NCKAP5: variants seen among roughly 807,000 people sequenced by gnomAD.
NCKAP5 encodes the protein NCK associated protein 5.
Under a neutral mutation model 167.0 loss-of-function variants are expected in NCKAP5, and 92 were observed. The observed-to-expected ratio is 0.55, with a 90% CI of 0.47 to 0.66. The LOEUF (loss-of-function observed/expected upper bound fraction) is 0.66, where lower values mean the gene tolerates loss of function less well. Among genes scored for constraint, NCKAP5 ranks in the 30% least tolerant of loss-of-function variants. The pLI is 0.00. For missense variants in NCKAP5, 2,378 were observed against 2,315.0 expected, an observed-to-expected ratio of 1.03 and a Z score of -0.56; for synonymous variants, 891 against 877.4, an observed-to-expected ratio of 1.02 and a Z score of -0.27.
At chr2:133,116,513 A>AAAAG (rs2082090672) in intron 6 of NCKAP5, among the ~76,000 whole-genome samples, 3 of 150,660 alleles carry the variant, frequency 2.0e-5, no homozygotes, top group Non-Finnish European at 4.4e-5. Flanking sequence ...AAAAAAAAAA[A>AAAAG]AAAGAAAAAT....
At chr2:133,465,248 A>C (rs1692487189) in intron 3 of NCKAP5, among the ~76,000 whole-genome samples, 1 of 147,260 alleles carries the variant, frequency 6.8e-6, no homozygotes, top group South Asian at 2.1e-4. Context: ...TATGAGTGAG[A>C]ATATGCGGTG....
At chr2:133,518,290 A>G (rs952410197) in intron 2 of NCKAP5, among the ~76,000 whole-genome samples, 1 of 149,164 alleles carries the variant, frequency 6.7e-6, no homozygotes, top group African/African-American at 2.5e-5. Context: ...CCAGCTTCCA[A>G]TTTTCACAAA....
chr2:133,607,900 A>G, the NCKAP5 span, among the ~76,000 whole-genome samples: 2 of 152,202 alleles, frequency 1.3e-5, no homozygotes, highest in African/African-American at 4.8e-5. Flanking sequence ...TGACTGCATC[A>G]TAGTCATGAG....
At chr2:133,238,505 AAAG>A (rs1440520308) in intron 4 of NCKAP5, among the ~76,000 whole-genome samples, 1 of 152,174 alleles carries the variant, frequency 6.6e-6, no homozygotes, top group African/African-American at 2.4e-5. Flanking sequence ...TCCCTGTTAA[AAAG>A]AAGACACAGG....
chr2:133,572,946 A>G (rs1463540165), upstream of NCKAP5, among the ~76,000 whole-genome samples: 1 of 152,202 alleles, frequency 6.6e-6, no homozygotes. Context: ...CTACAATCAG[A>G]CATTGATAAA....
chr2:133,147,271 G>T (rs953161108), intron 5 of NCKAP5, among the ~76,000 whole-genome samples: 1 of 152,128 alleles, frequency 6.6e-6, no homozygotes, highest in Non-Finnish European at 1.5e-5. Flanking sequence ...CAGATGAAAG[G>T]CATTCTGATC....
intron 5 of NCKAP5, among the ~76,000 whole-genome samples, chr2:133,175,796 T>A (rs186497502): frequency 1.3e-3 from 193 of 152,336 alleles, no homozygotes; most frequent in African/African-American, 4.5e-3. Context: ...GGAGCCACCA[T>A]GGAATAATTC....
At position 132,869,065 on chromosome 2, in the gene NCKAP5, T is replaced by C. The variant is rs954811158; in HGVS notation, c.649-91A>G. The stretch of plus-strand genomic sequence containing the variant: ...TACCAATAAGTTTCTCGCAGCTTAT[T>C]GTAGCTAATTAGCTCCTCATTTGCC... On this transcript the variant is annotated intron_variant, in intron 9 of 19. Coordinates refer to ENST00000409261, the MANE Select transcript of NCKAP5 (RefSeq NM_207363.3). The C allele has an allele frequency of 5.1e-5, 44 of 866,524 alleles. No individual in the cohort carries two copies. In the African/African-American group the frequency reaches 7.3e-4, roughly 14 times the overall value. The allele number at this position is 866,524 out of a possible 1,614,324, so 53.7% of individuals were successfully genotyped here.
chr2:133,042,242 T>C lies in NCKAP5; in HGVS notation c.342-48003A>G, dbSNP rs75737590. Among the ~76,000 whole-genome samples the C allele has an allele frequency of 8.7e-3, 1,321 of 152,236 alleles. 14 individuals are homozygous for C. The highest frequency in any genetic ancestry group is 0.029 in the African/African-American group (1,215 of 41,546). ...ATTCAACAGCTTAAACACAGTGAAA[T>C]GGCAAGGTATAGAAAGCACCCAGTC... On this transcript the variant is annotated intron_variant, in intron 6 of 19. Coordinates refer to ENST00000409261, the MANE Select transcript of NCKAP5 (RefSeq NM_207363.3).
intron 4 of NCKAP5, among the ~76,000 whole-genome samples, chr2:133,228,947 A>G (rs937750226): frequency 6.6e-5 from 10 of 152,216 alleles, no homozygotes; most frequent in Admixed American, 2.6e-4. Context: ...AACAATGAGA[A>G]TCTTCAGAGG....
At chr2:132,712,509 G>A (rs896233862) in intron 19 of NCKAP5, among the ~76,000 whole-genome samples, 2 of 152,088 alleles carry the variant, frequency 1.3e-5, no homozygotes, top group Non-Finnish European at 2.9e-5. Context: ...AAAATTAGCC[G>A]GGTGTAGAGG....
chr2:132,907,851 G>T (rs1029798902), intron 8 of NCKAP5, among the ~76,000 whole-genome samples: 2 of 151,836 alleles, frequency 1.3e-5, no homozygotes, highest in African/African-American at 4.8e-5. Flanking sequence ...TAGAGAGGGG[G>T]TTTCACCATG....
intron 16 of NCKAP5, among the ~76,000 whole-genome samples, chr2:132,770,641 T>C (rs566131615): frequency 2.0e-5 from 3 of 152,088 alleles, no homozygotes; most frequent in African/African-American, 4.8e-5. Context: ...TGTACTTCCA[T>C]TGGAGTAATC....
rs182064349 is a variant in NCKAP5 at position 133,031,495 on chromosome 2, G to A, written c.342-37256C>T. Reference sequence around the variant, plus strand: ...GCCACTGAGGGCCACATTGCTCCATGTCTCCGAGTAAACTTGAAAGGCAGT... The same window carrying A: ...GCCACTGAGGGCCACATTGCTCCATATCTCCGAGTAAACTTGAAAGGCAGT... On this transcript the variant is annotated intron_variant, in intron 6 of 19. Coordinates refer to ENST00000409261, the MANE Select transcript of NCKAP5 (RefSeq NM_207363.3). Among the ~76,000 whole-genome samples the A allele has an allele frequency of 9.3e-4, 141 of 152,302 alleles. 1 individual carries two copies. Among genetic ancestry groups the A allele is most frequent in the African/African-American group, 3.3e-3 (138 of 41,564 alleles).
intron 3 of NCKAP5, among the ~76,000 whole-genome samples, chr2:133,358,597 G>T: frequency 6.6e-6 from 1 of 152,252 alleles, no homozygotes; most frequent in Middle Eastern, 3.4e-3. Context: ...GTGTTGAACC[G>T]CACTGAGTAT....
the NCKAP5 span, among the ~76,000 whole-genome samples, chr2:133,620,966 G>T: frequency 6.6e-6 from 1 of 151,986 alleles, no homozygotes; most frequent in Non-Finnish European, 1.5e-5. Context: ...ACTCCAAAAG[G>T]AACCCTCAAA....
At chr2:132,866,677 A>G (rs1309100994) in intron 10 of NCKAP5, among the ~76,000 whole-genome samples, 1 of 152,200 alleles carries the variant, frequency 6.6e-6, no homozygotes, top group Non-Finnish European at 1.5e-5. Context: ...CTGAAGCCAC[A>G]GCAGATTTGC....
intron 8 of NCKAP5, among the ~76,000 whole-genome samples, chr2:132,944,806 G>A (rs1386071009): frequency 6.6e-6 from 1 of 152,212 alleles, no homozygotes; most frequent in East Asian, 1.9e-4. Flanking sequence ...TAAGGACATT[G>A]TGAACATGTC....
chr2:132,692,938 T>G (rs981873486), intron 19 of NCKAP5, among the ~76,000 whole-genome samples: 4 of 152,220 alleles, frequency 2.6e-5, no homozygotes, highest in Non-Finnish European at 5.9e-5. Context: ...ATACAGACTG[T>G]GTCTATAGCC....
Sources: gnomAD v4.1 joint callset for allele counts (sites outside exome capture counted in the v4.1 genomes callset) on GRCh38, gnomAD v4.1.1 for gene constraint, MANE v1.5 for transcripts, NCBI Gene and HGNC (gene_info 2026-07-23, HGNC 2026-07-21) for gene names.